GABRR2: variants seen among roughly 807,000 people sequenced by gnomAD.
The protein encoded by GABRR2 is gamma-aminobutyric acid type A receptor subunit rho2.
Under a neutral mutation model 47.0 loss-of-function variants are expected in GABRR2, and 36 were observed. The observed-to-expected ratio is 0.77, with a 90% CI of 0.59 to 1.01. GABRR2 has a LOEUF of 1.01. Ranked by LOEUF, GABRR2 falls within the 50% of genes least tolerant of loss-of-function variation. The probability of loss-of-function intolerance (pLI) is 0.00; values close to 1 mark genes in which losing one functional copy is unlikely to be tolerated. For missense variants in GABRR2, 587 were observed against 594.6 expected (o/e 0.99, Z 0.13); for synonymous variants, 204 against 227.5 (o/e 0.90, Z 0.93).
At chr6:89,292,794 T>TA (rs1562379795) in intron 2 of GABRR2, among the ~76,000 whole-genome samples, 244 of 21,912 alleles carry the variant, frequency 0.011, 31 homozygotes, top group Non-Finnish European at 0.014. Context: ...ATACGATATA[T>TA]CGTATATATC....
chr6:89,299,956 G>GT (rs763291865), intron 1 of GABRR2, 91 bp from the exon 2 acceptor site: 1 of 815,962 alleles, frequency 1.2e-6, no homozygotes, highest in Admixed American at 2.0e-5. Context: ...AGATCTACCT[G>GT]TTAGGTACCT....
chr6:89,295,351 T>C (rs1173754823), intron 2 of GABRR2, among the ~76,000 whole-genome samples: 2 of 152,222 alleles, frequency 1.3e-5, no homozygotes, highest in African/African-American at 4.8e-5. Context: ...TGTGAGATGG[T>C]CTCTCATTGT....
intron 1 of GABRR2, among the ~76,000 whole-genome samples, chr6:89,312,395 A>G (rs770460155): frequency 6.6e-6 from 1 of 152,218 alleles, no homozygotes; most frequent in South Asian, 2.1e-4. Context: ...TTCTGTGTGC[A>G]TGCCTTGGCT....
intron 8 of GABRR2, among the ~76,000 whole-genome samples, chr6:89,260,105 C>T (rs1315913769): frequency 6.6e-6 from 1 of 151,774 alleles, no homozygotes; most frequent in East Asian, 1.9e-4. Flanking sequence ...TGGGGTTTTG[C>T]CAAGTTGCCC....
chr6:89,297,270 G>A (rs967123997), intron 2 of GABRR2, among the ~76,000 whole-genome samples: 2 of 152,134 alleles, frequency 1.3e-5, no homozygotes, highest in Non-Finnish European at 2.9e-5. Context: ...TTAAGATAAA[G>A]CAAAAACATT....
intron 1 of GABRR2, 30 bp from the exon 2 acceptor site, chr6:89,299,895 A>G: frequency 1.4e-6 from 2 of 1,441,706 alleles, no homozygotes; most frequent in Non-Finnish European, 2.0e-6. Context: ...ACTATTTTCC[A>G]TCGGCTCTTC....
chr6:89,263,557 C>T (rs1239081637), intron 8 of GABRR2, among the ~76,000 whole-genome samples: 1 of 152,212 alleles, frequency 6.6e-6, no homozygotes, highest in Non-Finnish European at 1.5e-5. Context: ...GGGTCTTGCT[C>T]TGTCGCCCAG....
intron 2 of GABRR2, among the ~76,000 whole-genome samples, chr6:89,296,423 A>C (rs1774554936): frequency 6.6e-6 from 1 of 152,206 alleles, no homozygotes; most frequent in Non-Finnish European, 1.5e-5. Context: ...ACATCTGGGC[A>C]TCCAGGAAAG....
At position 89,257,487 on chromosome 6, in the gene GABRR2, G is replaced by C. The variant is rs911494553; in HGVS notation, c.*183C>G. The C allele has an allele frequency of 3.3e-6, 2 of 598,782 alleles. No individual in the cohort carries two copies. Among genetic ancestry groups the C allele is most frequent in the African/African-American group, 3.7e-5 (2 of 53,820 alleles). 37.1% of individuals were successfully genotyped at this position (598,782 alleles called of 1,614,324 possible). ...CAGCATGAACATGGAGCAGCCCCAC[G>C]GGGTCTGGGGTCAGGGCAGCTGGAA... On this transcript the variant is annotated 3_prime_UTR_variant, in exon 9 of 9. Coordinates refer to ENST00000402938, the MANE Select transcript of GABRR2 (RefSeq NM_002043.5).
intron 2 of GABRR2, among the ~76,000 whole-genome samples, chr6:89,279,057 G>A (rs1774214542): frequency 6.6e-6 from 1 of 152,192 alleles, no homozygotes; most frequent in Non-Finnish European, 1.5e-5. Context: ...ATACCAAGAA[G>A]TGGATGATAA....
intron 2 of GABRR2, among the ~76,000 whole-genome samples, chr6:89,289,782 T>C (rs1774403545): frequency 6.6e-6 from 1 of 152,180 alleles, no homozygotes; most frequent in Non-Finnish European, 1.5e-5. Context: ...CTGGGTAATT[T>C]ATAAAGAAAA....
At chr6:89,273,759 T>A (rs1431238803) in intron 2 of GABRR2, among the ~76,000 whole-genome samples, 3 of 152,184 alleles carry the variant, frequency 2.0e-5, no homozygotes, top group African/African-American at 7.2e-5. Flanking sequence ...CATTCCCTCA[T>A]CCTGGGGACC....
intron 2 of GABRR2, among the ~76,000 whole-genome samples, chr6:89,282,207 C>G (rs933066986): frequency 6.6e-6 from 1 of 152,178 alleles, no homozygotes; most frequent in African/African-American, 2.4e-5. Flanking sequence ...TCCACCACAC[C>G]CACAGAGATC....
At chr6:89,297,227 A>T (rs1028904855) in intron 2 of GABRR2, among the ~76,000 whole-genome samples, 1 of 152,234 alleles carries the variant, frequency 6.6e-6, no homozygotes, top group Admixed American at 6.5e-5. Context: ...ATATATTAAA[A>T]CAACTTCTGC....
intron 2 of GABRR2, among the ~76,000 whole-genome samples, chr6:89,282,081 T>C (rs977481625): frequency 1.3e-5 from 2 of 152,128 alleles, no homozygotes; most frequent in South Asian, 2.1e-4. Context: ...TCATACTCAA[T>C]GTAGCAGCAA....
rs186726290 is a variant in GABRR2 at position 89,291,933 on chromosome 6, T to G, written c.220+7826A>C. Among the ~76,000 whole-genome samples the G allele has an allele frequency of 4.6e-3, 702 of 152,196 alleles. 3 individuals carry two copies. The highest frequency in any genetic ancestry group is 8.2e-3 in the Non-Finnish European group (555 of 68,004). On this transcript the variant is annotated intron_variant, in intron 2 of 8. Coordinates refer to ENST00000402938, the MANE Select transcript of GABRR2 (RefSeq NM_002043.5). Reference sequence around the variant, plus strand: ...ACCCAGCTGTGCACCCCAACAGCTCTCCAGCCTTTTCTTCCCAGTGGCCCT... The same window carrying G: ...ACCCAGCTGTGCACCCCAACAGCTCGCCAGCCTTTTCTTCCCAGTGGCCCT...
chr6:89,275,208 A>C (rs1582446842), intron 2 of GABRR2, among the ~76,000 whole-genome samples: 2 of 152,330 alleles, frequency 1.3e-5, no homozygotes, highest in East Asian at 1.9e-4. Flanking sequence ...CAGTAATAGC[A>C]AGCTAAGTAA....
rs866835429 is a variant in GABRR2, at chr6:89,292,772, T to C, written c.220+6987A>G. Among the ~76,000 whole-genome samples the C allele has an allele frequency of 2.8e-4, 12 of 42,968 alleles. 1 individual carries two copies. The highest frequency in any genetic ancestry group is 5.2e-4 in the Admixed American group (2 of 3,844). The allele number at this position is 42,968 out of a possible 152,430, so 28.2% of individuals were successfully genotyped here. On this transcript the variant is annotated intron_variant, in intron 2 of 8. Coordinates refer to ENST00000402938, the MANE Select transcript of GABRR2 (RefSeq NM_002043.5). ...TATATATCGTATATACGATATATCG[T>C]ATATATCGTATATACGATATATCGT... is the stretch of plus-strand genomic sequence containing the variant.
chr6:89,292,137 A>G (rs1389718131), intron 2 of GABRR2, among the ~76,000 whole-genome samples: 3 of 152,068 alleles, frequency 2.0e-5, no homozygotes, highest in Non-Finnish European at 4.4e-5. Context: ...TTTTGGTTGG[A>G]GAACCTGACC....
Sources: gnomAD v4.1 joint callset for allele counts (sites outside exome capture counted in the v4.1 genomes callset) on GRCh38, gnomAD v4.1.1 for gene constraint, MANE v1.5 for transcripts, NCBI Gene and HGNC (gene_info 2026-07-23, HGNC 2026-07-21) for gene names.